Variants in PLCB4 observed in about 807,000 individuals in gnomAD.
PLCB4 encodes the protein phospholipase C beta 4, also known as 1-phosphatidylinositol 4,5-bisphosphate phosphodiesterase beta-4.
In PLCB4, 77 loss-of-function variants were observed where a neutral mutation model predicts 178.8. That is an observed-to-expected ratio of 0.43 (90% CI 0.36 to 0.52). The LOEUF (loss-of-function observed/expected upper bound fraction) is 0.52, where lower values mean the gene tolerates loss of function less well. Among genes scored for constraint, PLCB4 ranks in the 20% least tolerant of loss-of-function variants. The probability of loss-of-function intolerance (pLI) is 0.00; values close to 1 mark genes in which losing one functional copy is unlikely to be tolerated. For synonymous variants in PLCB4, 496 were observed against 490.8 expected, an observed-to-expected ratio of 1.01 and a Z score of -0.14; for missense variants, 1,024 against 1,453.4, an observed-to-expected ratio of 0.70 and a Z score of 4.80.
chr20:9,231,084 T>A (rs2093926597), intron 3 of PLCB4, among the ~76,000 whole-genome samples: 1 of 152,194 alleles, frequency 6.6e-6, no homozygotes. Context: ...TTCCCAAATT[T>A]GGAGACATAG....
At chr20:9,411,111 T>C in intron 25 of PLCB4, 23 bp downstream of exon 25, 1 of 1,546,544 alleles carries the variant, frequency 6.5e-7, no homozygotes, top group Non-Finnish European at 8.9e-7. Flanking sequence ...ATTTAAACTG[T>C]TTTCACCTAG....
intron 2 of PLCB4, among the ~76,000 whole-genome samples, chr20:9,177,933 TA>T (rs1429798613): frequency 3.3e-5 from 5 of 152,216 alleles, no homozygotes; most frequent in Non-Finnish European, 7.3e-5. Context: ...TCCTATGGTA[TA>T]AAAACATTCC....
At chr20:9,200,267 A>C (rs1338627420) in intron 2 of PLCB4, among the ~76,000 whole-genome samples, 1 of 152,166 alleles carries the variant, frequency 6.6e-6, no homozygotes, top group African/African-American at 2.4e-5. Context: ...GTTTGAAATC[A>C]TTTCCCTTTC....
chr20:9,416,517 G>A (rs772969468), intron 25 of PLCB4, among the ~76,000 whole-genome samples: 5 of 152,140 alleles, frequency 3.3e-5, no homozygotes, highest in Non-Finnish European at 7.4e-5. Context: ...AGTCTGTGTC[G>A]GTTTTCCTTC....
chr20:9,305,306 T>A (rs1016026296), intron 3 of PLCB4, among the ~76,000 whole-genome samples: 5 of 152,064 alleles, frequency 3.3e-5, no homozygotes, highest in Non-Finnish European at 2.9e-5. Context: ...GGGAGTTATG[T>A]TTTTTTAATT....
intron 17 of PLCB4, among the ~76,000 whole-genome samples, chr20:9,391,326 C>T (rs895620645): frequency 2.0e-5 from 3 of 151,960 alleles, no homozygotes; most frequent in South Asian, 4.2e-4. Flanking sequence ...TATAAGGATC[C>T]ATGACCTCCA....
rs542738096 is a variant in PLCB4, at chr20:9,303,026, C to T, written c.-15-4774C>T. Among the ~76,000 whole-genome samples, 10 of 152,170 alleles carry T rather than the reference C, an allele frequency of 6.6e-5. No homozygotes were observed. In the South Asian group the frequency reaches 1.9e-3, roughly 28 times the overall value. On this transcript the variant is annotated intron_variant, in intron 3 of 39. Coordinates refer to ENST00000378473, the MANE Select transcript of PLCB4 (RefSeq NM_001377142.1). ...ATGTTTTGCCCACCATTCTTCACAG[C>T]CTGGCAAACTGGGATGGCCACCATG...
At chr20:9,150,849 G>A (rs1002719461) in intron 2 of PLCB4, among the ~76,000 whole-genome samples, 2 of 152,152 alleles carry the variant, frequency 1.3e-5, no homozygotes, top group Admixed American at 6.6e-5. Flanking sequence ...GTGTTGTTTT[G>A]GTAGAAACAT....
intron 2 of PLCB4, among the ~76,000 whole-genome samples, chr20:9,098,622 A>G (rs2091010674): frequency 6.6e-6 from 1 of 150,654 alleles, no homozygotes; most frequent in Admixed American, 6.7e-5. Context: ...AAATAGTCTC[A>G]TATATATATA....
intron 30 of PLCB4, among the ~76,000 whole-genome samples, chr20:9,439,141 C>T (rs950462461): frequency 6.6e-6 from 1 of 152,220 alleles, no homozygotes; most frequent in East Asian, 1.9e-4. Context: ...TTAAGACAAC[C>T]ACCATTTATT....
intron 28 of PLCB4, among the ~76,000 whole-genome samples, chr20:9,426,036 T>A (rs1291012725): frequency 6.6e-6 from 1 of 151,954 alleles, no homozygotes; most frequent in Non-Finnish European, 1.5e-5. Context: ...TTCCCTGGAG[T>A]ATTGATATTC....
At chr20:9,177,308 G>A (rs1217609092) in intron 2 of PLCB4, among the ~76,000 whole-genome samples, 1 of 152,118 alleles carries the variant, frequency 6.6e-6, no homozygotes, top group Non-Finnish European at 1.5e-5. Flanking sequence ...GGGAATAAAC[G>A]ATGTGGTTGA....
chr20:9,089,529 G>C (rs2090583120), intron 1 of PLCB4, among the ~76,000 whole-genome samples: 1 of 152,026 alleles, frequency 6.6e-6, no homozygotes, highest in Non-Finnish European at 1.5e-5. Context: ...ACAAAAATTG[G>C]TCTTTTCATG....
At chr20:9,267,180 A>G (rs1568494496) in intron 3 of PLCB4, among the ~76,000 whole-genome samples, 1 of 152,228 alleles carries the variant, frequency 6.6e-6, no homozygotes, top group Non-Finnish European at 1.5e-5. Flanking sequence ...GCTTCAAATT[A>G]TGAGAAGAAA....
chr20:9,229,888 T>C (rs566990404), intron 3 of PLCB4, among the ~76,000 whole-genome samples: 2 of 152,168 alleles, frequency 1.3e-5, no homozygotes, highest in Admixed American at 1.3e-4. Flanking sequence ...TTTTTGAAGG[T>C]TAAAAAGGAA....
At chr20:9,465,918 G>GA (rs1304242933) in intron 35 of PLCB4, among the ~76,000 whole-genome samples, 1 of 152,108 alleles carries the variant, frequency 6.6e-6, no homozygotes, top group East Asian at 1.9e-4. Context: ...TTTCTTCACA[G>GA]AATTGGAAAA....
chr20:9,384,889 G>C (rs1174538164), intron 14 of PLCB4, among the ~76,000 whole-genome samples: 4 of 151,798 alleles, frequency 2.6e-5, no homozygotes, highest in Admixed American at 6.6e-5. Flanking sequence ...GATAATAGTG[G>C]AGAGAAGGTC....
At chr20:9,121,453 A>AC in intron 2 of PLCB4, among the ~76,000 whole-genome samples, 1 of 151,932 alleles carries the variant, frequency 6.6e-6, no homozygotes, top group East Asian at 1.9e-4. Context: ...TCCATTCTCC[A>AC]CCCTTTAATT....
At chr20:9,161,129 C>T (rs979754079) in intron 2 of PLCB4, among the ~76,000 whole-genome samples, 28 of 152,186 alleles carry the variant, frequency 1.8e-4, no homozygotes, top group African/African-American at 5.1e-4. Context: ...TATCATTATC[C>T]CAATTTTACA....
Sources: gnomAD v4.1 joint callset for allele counts (sites outside exome capture counted in the v4.1 genomes callset) on GRCh38, gnomAD v4.1.1 for gene constraint, MANE v1.5 for transcripts, NCBI Gene and HGNC (gene_info 2026-07-23, HGNC 2026-07-21) for gene names.